The following SAMD12 variants were observed in gnomAD, a reference collection of about 807,000 sequenced individuals.
The protein encoded by SAMD12 is sterile alpha motif domain containing 12.
A neutral mutation model predicts 15.0 loss-of-function variants in SAMD12; 9 were observed. The ratio of observed to expected loss-of-function variants is 0.60; its 90% confidence interval spans 0.36 to 1.05. The LOEUF is 1.05. SAMD12 is among the 50% of genes least tolerant of loss of function. SAMD12 has a pLI of 0.01. For missense variants in SAMD12, 230 were observed against 234.2 expected (o/e 0.98, Z 0.12); for synonymous variants, 86 against 90.1 (o/e 0.96, Z 0.25).
At chr8:118,151,681 T>A in the SAMD12 span, among the ~76,000 whole-genome samples, 15 of 151,408 alleles carry the variant, frequency 9.9e-5, 1 homozygote, top group African/African-American at 3.6e-4. Flanking sequence ...ACAAAAAAAA[T>A]TAGCCAGGTG....
intron 1 of SAMD12, among the ~76,000 whole-genome samples, chr8:118,595,769 T>G (rs903558664): frequency 2.0e-5 from 3 of 152,226 alleles, no homozygotes; most frequent in Non-Finnish European, 4.4e-5. Flanking sequence ...TCCATTTGAC[T>G]ATTAATTATT....
At chr8:118,306,699 G>A (rs370913819) in intron 4 of SAMD12, among the ~76,000 whole-genome samples, 1 of 152,276 alleles carries the variant, frequency 6.6e-6, no homozygotes, top group East Asian at 1.9e-4. Context: ...CTAAGCTGCT[G>A]CTATTTTGAG....
At chr8:118,418,364 A>C (rs997332956) in intron 3 of SAMD12, among the ~76,000 whole-genome samples, 5 of 152,142 alleles carry the variant, frequency 3.3e-5, no homozygotes, top group African/African-American at 1.2e-4. Flanking sequence ...CATCCAACTC[A>C]AATGTGTGCA....
chr8:118,447,850 C>A (rs149780536), intron 2 of SAMD12, among the ~76,000 whole-genome samples: 38 of 151,788 alleles, frequency 2.5e-4, no homozygotes, highest in African/African-American at 8.5e-4. Flanking sequence ...CTAAGCCTCC[C>A]GAGTAGCTGG....
At chr8:118,217,936 C>T (rs1812001055) in intron 4 of SAMD12, among the ~76,000 whole-genome samples, 1 of 152,152 alleles carries the variant, frequency 6.6e-6, no homozygotes, top group Non-Finnish European at 1.5e-5. Context: ...CCAATCCTGC[C>T]TGTTATTTGA....
At chr8:118,210,356 T>C (rs918755780) in intron 4 of SAMD12, among the ~76,000 whole-genome samples, 3 of 152,212 alleles carry the variant, frequency 2.0e-5, no homozygotes, top group Admixed American at 6.5e-5. Flanking sequence ...TGAAACCTGC[T>C]CTGGCTCTTA....
the SAMD12 span, among the ~76,000 whole-genome samples, chr8:118,145,754 A>G: frequency 2.6e-5 from 4 of 152,218 alleles, no homozygotes; most frequent in Non-Finnish European, 5.9e-5. Context: ...AGAGCCTCAG[A>G]CTACAATGCA....
chr8:118,170,846 G>T, the SAMD12 span, among the ~76,000 whole-genome samples: 4 of 152,076 alleles, frequency 2.6e-5, no homozygotes, highest in Admixed American at 6.6e-5. Flanking sequence ...CTAAAATTAA[G>T]AATTTTACAC....
chr8:118,464,811 T>C (rs562946780), intron 2 of SAMD12, among the ~76,000 whole-genome samples: 1 of 152,252 alleles, frequency 6.6e-6, no homozygotes, highest in African/African-American at 2.4e-5. Flanking sequence ...AAATGGAGGA[T>C]ATTAGCCACT....
At chr8:118,516,930 T>A (rs539708841) in intron 2 of SAMD12, among the ~76,000 whole-genome samples, 4 of 152,300 alleles carry the variant, frequency 2.6e-5, no homozygotes, top group African/African-American at 9.6e-5. Flanking sequence ...TGAGCCACCG[T>A]GCCCAGCTGA....
At chr8:118,541,153 C>T (rs1825973774) in intron 2 of SAMD12, among the ~76,000 whole-genome samples, 1 of 152,186 alleles carries the variant, frequency 6.6e-6, no homozygotes, top group Non-Finnish European at 1.5e-5. Context: ...TATTTCATCA[C>T]ATCTTTATGA....
At chr8:118,603,139 G>T (rs1032285337) in intron 1 of SAMD12, among the ~76,000 whole-genome samples, 3 of 151,770 alleles carry the variant, frequency 2.0e-5, no homozygotes, top group African/African-American at 7.3e-5. Context: ...TAAAAAATAA[G>T]AACTAGTCCA....
intron 4 of SAMD12, among the ~76,000 whole-genome samples, chr8:118,222,995 G>A (rs1002589506): frequency 6.6e-6 from 1 of 152,140 alleles, no homozygotes; most frequent in Non-Finnish European, 1.5e-5. Context: ...CAGCAGCCTC[G>A]AGAATGGGTA....
intron 4 of SAMD12, among the ~76,000 whole-genome samples, chr8:118,200,278 T>G (rs1819678315): frequency 6.6e-6 from 1 of 151,800 alleles, no homozygotes. Flanking sequence ...CCCCCTCTAG[T>G]GACATACAGG....
intron 2 of SAMD12, among the ~76,000 whole-genome samples, chr8:118,502,218 T>C (rs1190242465): frequency 7.1e-6 from 1 of 140,536 alleles, no homozygotes; most frequent in Non-Finnish European, 1.6e-5. Flanking sequence ...GACTCTATTA[T>C]AACAGAGAGA....
At chr8:118,161,873 T>C in the SAMD12 span, among the ~76,000 whole-genome samples, 90 of 151,384 alleles carry the variant, frequency 5.9e-4, 1 homozygote, top group African/African-American at 2.1e-3. Context: ...AAAAAGCAAA[T>C]AGTGGCCTGG....
chr8:118,180,059 C>A, the SAMD12 span, among the ~76,000 whole-genome samples: 28 of 152,282 alleles, frequency 1.8e-4, no homozygotes, highest in Admixed American at 1.6e-3. Flanking sequence ...CTCCCTCGGC[C>A]GGACTCAGTG....
At chr8:118,253,528 C>T (rs891407574) in intron 4 of SAMD12, among the ~76,000 whole-genome samples, 3 of 152,118 alleles carry the variant, frequency 2.0e-5, no homozygotes, top group African/African-American at 7.2e-5. Flanking sequence ...AGTGAGTTGC[C>T]TTGCAAACAG....
chr8:118,209,542 A>G (rs1202049680), intron 4 of SAMD12, among the ~76,000 whole-genome samples: 3 of 152,164 alleles, frequency 2.0e-5, no homozygotes, highest in Non-Finnish European at 4.4e-5. Context: ...CCCTTAAAGA[A>G]TCCACTTGGC....
Sources: gnomAD v4.1 joint callset for allele counts (sites outside exome capture counted in the v4.1 genomes callset) on GRCh38, gnomAD v4.1.1 for gene constraint, MANE v1.5 for transcripts, NCBI Gene and HGNC (gene_info 2026-07-23, HGNC 2026-07-21) for gene names.